The following ATL3 variants were observed in gnomAD, a reference collection of about 807,000 sequenced individuals.
ATL3 encodes the protein atlastin-3.
Under a neutral mutation model 69.5 loss-of-function variants are expected in ATL3, and 49 were observed. That is an observed-to-expected ratio of 0.71 (90% confidence interval 0.56 to 0.89). ATL3 has a LOEUF of 0.89. ATL3 is among the 40% of genes least tolerant of loss of function. ATL3 has a pLI of 0.00. For missense variants in ATL3, 606 were observed against 645.7 expected (o/e 0.94, Z 0.67); for synonymous variants, 214 against 224.1 (o/e 0.95, Z 0.40).
Position 63,627,018 on chromosome 11 carries a change from G to A in ATL3, c.*2301C>T, listed in dbSNP as rs1231771313. 4 of 151,712 alleles carry A rather than the reference G, an allele frequency of 2.6e-5. No homozygotes were observed. The highest frequency in any genetic ancestry group is 5.9e-5 in the Non-Finnish European group (4 of 67,954). The allele number at this position is 151,712 out of a possible 1,614,324, so 9.4% of individuals were successfully genotyped here. A position where few individuals can be genotyped will look rare whatever the true frequency, so the allele number is the denominator to read the frequency against. Reference sequence around the variant, plus strand: ...CTCTTTATAAGACCAAAACAGAAATGGTGAATTTAAATAGTAACTGAATCT... The same window carrying A: ...CTCTTTATAAGACCAAAACAGAAATAGTGAATTTAAATAGTAACTGAATCT... On this transcript the variant is annotated 3_prime_UTR_variant, in exon 13 of 13. Transcript: ENST00000398868.
chr11:63,639,711 C>T (rs760431982), intron 8 of ATL3, among the ~76,000 whole-genome samples: 7 of 152,112 alleles, frequency 4.6e-5, no homozygotes, highest in South Asian at 4.2e-4. Context: ...GCTACAATCA[C>T]GCCACTGCAC....
chr11:63,668,790 C>CTTTTT lies in ATL3; in HGVS notation c.46+2495_46+2499dup, dbSNP rs386373974. Reference sequence around the variant, plus strand: ...CCAAAGGTTTGAATTAGCTGTGTTCCTTTTTTTTTTTTTTTTTTTTTTTTG... The same window carrying CTTTTT: ...CCAAAGGTTTGAATTAGCTGTGTTCCTTTTTTTTTTTTTTTTTTTTTTTTTTTTTG... On this transcript the variant is annotated intron_variant, in intron 1 of 12. Coordinates refer to ENST00000398868, the MANE Select transcript of ATL3 (RefSeq NM_015459.5). Among the ~76,000 whole-genome samples, 38 of 81,494 alleles carry CTTTTT rather than the reference C, an allele frequency of 4.7e-4. 1 individual carries two copies. Among genetic ancestry groups the CTTTTT allele is most frequent in the South Asian group, 9.9e-4 (2 of 2,024 alleles). The allele number at this position is 81,494 out of a possible 152,430, so 53.5% of individuals were successfully genotyped here.
At chr11:63,640,803 T>G (rs1018166029) in intron 8 of ATL3, among the ~76,000 whole-genome samples, 8 of 152,062 alleles carry the variant, frequency 5.3e-5, no homozygotes, top group Middle Eastern at 3.2e-3. Flanking sequence ...GGTTTCACCA[T>G]GTTGGCCAGG....
At position 63,628,973 on chromosome 11, in the gene ATL3, C is replaced by T. The variant is rs760451603; in HGVS notation, c.*346G>A. On this transcript the variant is annotated 3_prime_UTR_variant, in exon 13 of 13. Coordinates refer to ENST00000398868, the MANE Select transcript of ATL3 (RefSeq NM_015459.5). ...CATCGTGTGTGCAAAACCATGGAATCAATCTTAAAAGGCACTAAGTGGCAC... is the reference window on the plus strand; with the variant it reads ...CATCGTGTGTGCAAAACCATGGAATTAATCTTAAAAGGCACTAAGTGGCAC... 8.9e-5 allele frequency: 20 copies of T among 223,936 alleles called. No homozygotes were observed. The highest frequency in any genetic ancestry group is 1.5e-4 in the Non-Finnish European group (17 of 113,258). 13.9% of individuals were successfully genotyped at this position (223,936 alleles called of 1,614,324 possible).
At chr11:63,656,711 G>A in intron 3 of ATL3, among the ~76,000 whole-genome samples, 1 of 148,590 alleles carries the variant, frequency 6.7e-6, no homozygotes, top group Non-Finnish European at 1.5e-5. Context: ...TCCAGCCTGA[G>A]CAACAGAGAG....
intron 1 of ATL3, chr11:63,670,513 C>T (rs959051046): frequency 6.6e-6 from 1 of 152,238 alleles, no homozygotes; most frequent in African/African-American, 2.4e-5. Context: ...ACACATTACA[C>T]TAGAATAAAG....
In ATL3 at chr11:63,629,040, T is replaced by C. The variant is rs1328661097; in HGVS notation, c.*279A>G. The stretch of plus-strand genomic sequence containing the variant: ...CTGCATTTCCATTTTTCCTCTAGCT[T>C]CCTCCTCCATAAAGTGCACAAAGCA... On this transcript the variant is annotated 3_prime_UTR_variant, in exon 13 of 13. Coordinates refer to ENST00000398868, the MANE Select transcript of ATL3 (RefSeq NM_015459.5). 2.8e-6 allele frequency: 1 copy of C among 360,448 alleles called. No homozygotes were observed. Among genetic ancestry groups the C allele is most frequent in the Non-Finnish European group, 5.0e-6 (1 of 199,112 alleles). 22.3% of individuals were successfully genotyped at this position (360,448 alleles called of 1,614,324 possible). A position where few individuals can be genotyped will look rare whatever the true frequency, so the allele number is the denominator to read the frequency against.
intron 1 of ATL3, among the ~76,000 whole-genome samples, chr11:63,664,760 T>C (rs1395753362): frequency 6.6e-6 from 1 of 150,750 alleles, no homozygotes; most frequent in Admixed American, 6.6e-5. Flanking sequence ...GGCATGCACC[T>C]CCATGCCCGG....
At chr11:63,664,040 A>G (rs971009907) in intron 1 of ATL3, among the ~76,000 whole-genome samples, 23 of 152,176 alleles carry the variant, frequency 1.5e-4, no homozygotes, top group African/African-American at 4.3e-4. Flanking sequence ...GAGAAACAAG[A>G]GAGGTCAGAT....
chr11:63,671,609 G>A (rs1940788309), upstream of ATL3: 4 of 1,427,242 alleles, frequency 2.8e-6, no homozygotes, highest in Non-Finnish European at 1.8e-6. Flanking sequence ...CGCCTGCCGC[G>A]TGTGCGCGAA....
chr11:63,633,183 C>A (rs1454975733), intron 10 of ATL3, 86 bp from the exon 11 acceptor site: 15 of 1,054,014 alleles, frequency 1.4e-5, no homozygotes, highest in Non-Finnish European at 2.0e-5. Flanking sequence ...TTCTCTATTC[C>A]CCATTCTTCC....
upstream of ATL3, chr11:63,671,798 C>T (rs1375761944): frequency 3.6e-6 from 4 of 1,106,148 alleles, no homozygotes; most frequent in Middle Eastern, 2.5e-4. Flanking sequence ...CGGGAAGGGG[C>T]GGGCTGGCTC....
chr11:63,634,256 C>T (rs1329586164), intron 10 of ATL3, among the ~76,000 whole-genome samples: 1 of 151,492 alleles, frequency 6.6e-6, no homozygotes, highest in Non-Finnish European at 1.5e-5. Flanking sequence ...CCTGTAATCC[C>T]AGCACTTTGG....
intron 1 of ATL3, among the ~76,000 whole-genome samples, chr11:63,666,073 C>T (rs1328717731): frequency 3.9e-5 from 6 of 152,074 alleles, no homozygotes; most frequent in South Asian, 4.2e-4. Flanking sequence ...CTCAACCTAC[C>T]GGGCTCAGGC....
chr11:63,647,598 G>A (rs548355184), intron 5 of ATL3, among the ~76,000 whole-genome samples: 2 of 152,246 alleles, frequency 1.3e-5, no homozygotes, highest in South Asian at 4.1e-4. Flanking sequence ...ATGAGGGCAG[G>A]AATATTTGTC....
intron 3 of ATL3, among the ~76,000 whole-genome samples, chr11:63,652,841 T>G (rs1314985415): frequency 6.6e-6 from 1 of 152,156 alleles, no homozygotes; most frequent in Non-Finnish European, 1.5e-5. Context: ...TGAAAGCAAT[T>G]AGCTTATCAC....
At chr11:63,653,285 G>T (rs923814572) in intron 3 of ATL3, among the ~76,000 whole-genome samples, 7 of 152,024 alleles carry the variant, frequency 4.6e-5, no homozygotes, top group Non-Finnish European at 8.8e-5. Context: ...CGGCTAACAT[G>T]GCAAAATCCC....
intron 7 of ATL3, among the ~76,000 whole-genome samples, chr11:63,643,769 T>C (rs1216540059): frequency 2.6e-5 from 4 of 152,182 alleles, no homozygotes; most frequent in Non-Finnish European, 4.4e-5. Context: ...TCTAACCAAT[T>C]AGTAGTGACA....
intron 1 of ATL3, among the ~76,000 whole-genome samples, chr11:63,668,476 C>G (rs555279975): frequency 4.6e-5 from 7 of 152,182 alleles, no homozygotes; most frequent in Non-Finnish European, 8.8e-5. Context: ...ATCTAATTAA[C>G]CAGAATACTG....
Sources: gnomAD v4.1 joint callset for allele counts (sites outside exome capture counted in the v4.1 genomes callset) on GRCh38, gnomAD v4.1.1 for gene constraint, MANE v1.5 for transcripts, NCBI Gene and HGNC (gene_info 2026-07-23, HGNC 2026-07-21) for gene names.